The following ALK variants were observed in gnomAD, a reference collection of about 807,000 sequenced individuals.
The protein encoded by ALK is ALK receptor tyrosine kinase, also known as ALK tyrosine kinase receptor.
In ALK, 74 loss-of-function variants were observed where a neutral mutation model predicts 163.1. The observed-to-expected ratio is 0.45, with a 90% CI of 0.38 to 0.55. The LOEUF (loss-of-function observed/expected upper bound fraction) is 0.55, where lower values mean the gene tolerates loss of function less well. ALK is among the 20% of genes least tolerant of loss of function. ALK has a pLI of 0.00. For missense variants in ALK, 2,063 were observed against 2,105.3 expected, an observed-to-expected ratio of 0.98 and a Z score of 0.39; for synonymous variants, 960 against 843.2, an observed-to-expected ratio of 1.14 and a Z score of -2.40.
intron 6 of ALK, among the ~76,000 whole-genome samples, chr2:29,326,451 G>A (rs932341433): frequency 4.6e-5 from 7 of 152,150 alleles, no homozygotes; most frequent in Non-Finnish European, 7.3e-5. Context: ...AAAGGCAATC[G>A]CGAAATCACA....
chr2:29,470,589 C>T (rs1460507880), intron 4 of ALK, among the ~76,000 whole-genome samples: 1 of 152,078 alleles, frequency 6.6e-6, no homozygotes, highest in Non-Finnish European at 1.5e-5. Flanking sequence ...CTTTAAAGTG[C>T]TAGCAGAAAA....
At chr2:29,629,016 G>T (rs1021729955) in intron 3 of ALK, among the ~76,000 whole-genome samples, 4 of 152,178 alleles carry the variant, frequency 2.6e-5, no homozygotes, top group African/African-American at 9.7e-5. Flanking sequence ...TGCCATGGGA[G>T]TGTTGGCAGG....
rs146092861 is a variant in ALK at position 29,227,527 on chromosome 2, A to G, written c.2914+47T>C. 128 of 1,474,420 alleles carry G rather than the reference A, an allele frequency of 8.7e-5. No homozygotes were observed. The African/African-American group carries it at 1.6e-3, about 18-fold the overall frequency. The allele number at this position is 1,474,420 out of a possible 1,614,324, so 91.3% of individuals were successfully genotyped here. ...GACTCTGAGGTTTTAGCTTGGTGGG[A>G]GGACTGACCTAAGCAAGTTTGTTCT... is the stretch of plus-strand genomic sequence containing the variant. On this transcript the variant is annotated intron_variant, in intron 17 of 28. Transcript: ENST00000389048. The surrounding 1 kb of genome is among the most constrained non-coding windows in gnomAD (Gnocchi z 4.4).
intron 1 of ALK, among the ~76,000 whole-genome samples, chr2:29,773,309 C>T (rs931253758): frequency 1.3e-5 from 2 of 152,016 alleles, no homozygotes; most frequent in African/African-American, 2.4e-5. Context: ...ACCAGTGTAC[C>T]TATAAGCAAT....
chr2:29,704,313 C>A (rs899548250), intron 2 of ALK, among the ~76,000 whole-genome samples: 1 of 152,080 alleles, frequency 6.6e-6, no homozygotes, highest in African/African-American at 2.4e-5. Flanking sequence ...CCTCTTTGCT[C>A]GAGGGATTCA....
chr2:29,395,008 T>A (rs888806409), intron 4 of ALK, among the ~76,000 whole-genome samples: 1 of 152,144 alleles, frequency 6.6e-6, no homozygotes, highest in African/African-American at 2.4e-5. Flanking sequence ...TGAGCAGGGC[T>A]GGAGTTGGGG....
chr2:29,828,244 G>A (rs1426614844), intron 1 of ALK, among the ~76,000 whole-genome samples: 1 of 152,140 alleles, frequency 6.6e-6, no homozygotes, highest in African/African-American at 2.4e-5. Context: ...TACCATTCAG[G>A]ACATAGGCAT....
intron 8 of ALK, 28 bp from the exon 9 acceptor site, chr2:29,297,085 A>C (rs1234560662): frequency 1.2e-6 from 2 of 1,614,054 alleles, no homozygotes; most frequent in Admixed American, 3.3e-5. Flanking sequence ...GTCAGAGGAC[A>C]AGGTATGATT....
intron 11 of ALK, among the ~76,000 whole-genome samples, chr2:29,252,230 C>T (rs1237184576): frequency 7.0e-6 from 1 of 142,904 alleles, no homozygotes; most frequent in Non-Finnish European, 1.5e-5. Context: ...CCAGACCAAA[C>T]CTTGGGGAGT....
intron 11 of ALK, among the ~76,000 whole-genome samples, chr2:29,267,039 G>A (rs548141713): frequency 7.2e-5 from 11 of 152,086 alleles, no homozygotes; most frequent in Admixed American, 3.3e-4. Context: ...GTGAGATGTC[G>A]TTTTCTTGCT....
intron 25 of ALK, among the ~76,000 whole-genome samples, chr2:29,208,588 A>G (rs576000038): frequency 6.6e-6 from 1 of 152,286 alleles, no homozygotes; most frequent in African/African-American, 2.4e-5. Context: ...TCTTTACTAC[A>G]TCTTCCACAT....
At chr2:29,526,210 C>A (rs949765160) in intron 4 of ALK, among the ~76,000 whole-genome samples, 1 of 152,128 alleles carries the variant, frequency 6.6e-6, no homozygotes, top group African/African-American at 2.4e-5. Flanking sequence ...CTAATTTAAA[C>A]CCACGACAAC....
intron 4 of ALK, among the ~76,000 whole-genome samples, chr2:29,392,979 A>AATTCAAGGTCACTGAAT (rs1553310568): frequency 8.4e-4 from 127 of 151,626 alleles, no homozygotes; most frequent in African/African-American, 2.7e-3. Flanking sequence ...GATCACTCAA[A>AATTCAAGGTCACTGAAT]GTTCAAGGTC....
At chr2:29,291,911 A>T (rs1666034933) in intron 9 of ALK, among the ~76,000 whole-genome samples, 1 of 152,204 alleles carries the variant, frequency 6.6e-6, no homozygotes, top group African/African-American at 2.4e-5. Flanking sequence ...TATTGACAGC[A>T]TCCCACATAA....
intron 4 of ALK, among the ~76,000 whole-genome samples, chr2:29,522,154 A>C (rs191727581): frequency 1.3e-5 from 2 of 152,312 alleles, no homozygotes; most frequent in East Asian, 1.9e-4. Context: ...GGTGATTGGG[A>C]GCAGGGACAG....
intron 3 of ALK, among the ~76,000 whole-genome samples, chr2:29,642,065 T>C (rs1413068994): frequency 1.3e-5 from 2 of 152,206 alleles, no homozygotes; most frequent in Non-Finnish European, 2.9e-5. Context: ...AAGTTCCTTC[T>C]GTCTTCAAAA....
intron 8 of ALK, among the ~76,000 whole-genome samples, chr2:29,309,820 C>T (rs1393657842): frequency 6.6e-6 from 1 of 152,060 alleles, no homozygotes; most frequent in East Asian, 1.9e-4. Context: ...CTAATGTGGA[C>T]ACTGTGTGAA....
intron 3 of ALK, among the ~76,000 whole-genome samples, chr2:29,575,012 A>G (rs952056973): frequency 6.6e-6 from 1 of 152,146 alleles, no homozygotes; most frequent in Non-Finnish European, 1.5e-5. Flanking sequence ...TCCAGCTGCA[A>G]ACACAGCCCC....
At chr2:29,893,133 T>A (rs940656682) in intron 1 of ALK, among the ~76,000 whole-genome samples, 7 of 152,182 alleles carry the variant, frequency 4.6e-5, no homozygotes, top group African/African-American at 7.2e-5. Context: ...GGGATTCTTC[T>A]CAGGCCATAA....
Sources: gnomAD v4.1 joint callset for allele counts (sites outside exome capture counted in the v4.1 genomes callset) on GRCh38, gnomAD v4.1.1 for gene constraint, Gnocchi (gnomAD v3.1) non-coding constraint, MANE v1.5 for transcripts, NCBI Gene and HGNC (gene_info 2026-07-23, HGNC 2026-07-21) for gene names.